Variants in DHRS7 observed in about 807,000 individuals in gnomAD.
DHRS7 encodes the protein dehydrogenase/reductase 7, also known as dehydrogenase/reductase SDR family member 7.
DHRS7 carries 34 observed loss-of-function variants against 38.9 expected under a neutral mutation model. That is an observed-to-expected ratio of 0.87 (90% confidence interval 0.66 to 1.16). The LOEUF is 1.16. Among genes scored for constraint, DHRS7 ranks in the 50% most tolerant of loss-of-function variants. The pLI, the probability that DHRS7 is intolerant of heterozygous loss-of-function variation, is 0.00. For synonymous variants in DHRS7, 158 were observed against 153.1 expected (o/e 1.03, Z -0.24); for missense variants, 421 against 407.0 (o/e 1.03, Z -0.30).
chr14:60,154,040 ATCTTTT>A lies in DHRS7; in HGVS notation c.306_311del (p.Glu102_Lys103del). 1 of 1,613,930 alleles carries A rather than the reference ATCTTTT, an allele frequency of 6.2e-7. No homozygotes were observed. Among genetic ancestry groups the A allele is most frequent in the Non-Finnish European group, 8.5e-7 (1 of 1,179,852 alleles). ...TCAGGTCAAGGGGCAAAACAAGTAT[ATCTTTT>A]TCTTTTAAATTGCCATTCTCTAAAT... On this transcript the variant is annotated inframe_deletion, in exon 3 of 7. Coordinates refer to ENST00000557185, the MANE Select transcript of DHRS7 (RefSeq NM_016029.4).
chr14:60,167,264 A>C (rs1193159712), upstream of DHRS7, among the ~76,000 whole-genome samples: 2 of 152,244 alleles, frequency 1.3e-5, no homozygotes, highest in East Asian at 3.8e-4. Flanking sequence ...GTACCCACAA[A>C]AATTAAAAAT....
upstream of DHRS7, chr14:60,166,242 C>G (rs189636696): frequency 1.8e-4 from 175 of 985,434 alleles, no homozygotes; most frequent in Admixed American, 2.5e-4. Context: ...TTCTTGTTTT[C>G]AAGCATTTGA....
At position 60,148,898 on chromosome 14, in the gene DHRS7, A is replaced by C. The variant is rs435826; in HGVS notation, c.972+455T>G. 0.27 allele frequency: 41,823 copies of C among 156,048 alleles called. 7,608 individuals carry two copies. Among genetic ancestry groups the C allele is most frequent in the African/African-American group, 0.52 (21,312 of 41,270 alleles). 9.7% of individuals were successfully genotyped at this position (156,048 alleles called of 1,614,324 possible). A position where few individuals can be genotyped will look rare whatever the true frequency, so the allele number is the denominator to read the frequency against. ...TCCAAGACTAGTAATAATTTATAGTAAACCAAAATATATGCATGGGGATAA... is the reference window on the plus strand; with the variant it reads ...TCCAAGACTAGTAATAATTTATAGTCAACCAAAATATATGCATGGGGATAA... On this transcript the variant is annotated intron_variant, in intron 6 of 6. Coordinates refer to ENST00000557185, the MANE Select transcript of DHRS7 (RefSeq NM_016029.4). The surrounding 1 kb of genome is among the most constrained non-coding windows in gnomAD (Gnocchi z 4.8).
chr14:60,159,000 C>G (rs1235703050), intron 1 of DHRS7: 1 of 387,918 alleles, frequency 2.6e-6, no homozygotes, highest in Non-Finnish European at 5.0e-6. Context: ...CTGAGGCATC[C>G]TCCCCATCCC....
Position 60,152,981 on chromosome 14 carries a change from T to C in DHRS7, c.591A>G (p.Val197=), listed in dbSNP as rs199760290. 432 of 1,613,950 alleles carry C rather than the reference T, an allele frequency of 2.7e-4. 1 individual carries two copies. The highest frequency in any genetic ancestry group is 3.3e-4 in the Non-Finnish European group (395 of 1,179,986). ...TVNSILGIIS[V]PLSIGYCASK... ...TAGCACAGTATCCAATGGAAAGAGG[T>C]ACAGATATGATACCCAGGATGCTAT... The change falls in exon 4 of 7, where the codon GTA becomes GTG. Residue 197 remains valine (V), a synonymous_variant. Coordinates refer to ENST00000557185, the MANE Select transcript of DHRS7 (RefSeq NM_016029.4).
rs143150224 is a variant in DHRS7, at chr14:60,164,263, G to GCC, written c.133+912_133+913dup. 2.2e-3 allele frequency among the ~76,000 whole-genome samples: 247 copies of GCC among 112,976 alleles called. 2 individuals are homozygous for GCC. The highest frequency in any genetic ancestry group is 6.9e-3 in the African/African-American group (199 of 29,044). The allele number at this position is 112,976 out of a possible 152,430, so 74.1% of individuals were successfully genotyped here. On this transcript the variant is annotated intron_variant, in intron 1 of 6. Transcript: ENST00000557185. ...CCCCCCTCAACGCCCAACCCATAACGCCCCCCCCAAACATAGTCTATCTTT... is the reference window on the plus strand; with the variant it reads ...CCCCCCTCAACGCCCAACCCATAACGCCCCCCCCCCAAACATAGTCTATCTTT...
At position 60,164,269 on chromosome 14, in the gene DHRS7, C is replaced by A. The variant is rs183454344; in HGVS notation, c.133+908G>T. Among the ~76,000 whole-genome samples, 10 of 144,148 alleles carry A rather than the reference C, an allele frequency of 6.9e-5. No homozygotes were observed. The South Asian group carries it at 2.3e-3, about 34-fold the overall frequency. The allele number at this position is 144,148 out of a possible 152,430, so 94.6% of individuals were successfully genotyped here. Reference sequence around the variant, plus strand: ...TCAACGCCCAACCCATAACGCCCCCCCCAAACATAGTCTATCTTTCGAGCT... The same window carrying A: ...TCAACGCCCAACCCATAACGCCCCCACCAAACATAGTCTATCTTTCGAGCT... On this transcript the variant is annotated intron_variant, in intron 1 of 6. Coordinates refer to ENST00000557185, the MANE Select transcript of DHRS7 (RefSeq NM_016029.4).
chr14:60,164,626 TTTAG>T (rs764455789), intron 1 of DHRS7, among the ~76,000 whole-genome samples: 123 of 152,328 alleles, frequency 8.1e-4, no homozygotes, highest in Non-Finnish European at 1.5e-3. Context: ...AACTGCCATT[TTTAG>T]TTCTTTCTAG....
At chr14:60,155,200 G>T (rs1003076378) in intron 2 of DHRS7, among the ~76,000 whole-genome samples, 1 of 152,154 alleles carries the variant, frequency 6.6e-6, no homozygotes, top group Admixed American at 6.5e-5. Context: ...TGTAATCCCA[G>T]CATTTTGGGA....
At chr14:60,163,772 T>G (rs939970751) in intron 1 of DHRS7, among the ~76,000 whole-genome samples, 8 of 152,342 alleles carry the variant, frequency 5.3e-5, no homozygotes, top group Non-Finnish European at 8.8e-5. Context: ...ATATTTTTTG[T>G]AGGATTAAAT....
chr14:60,154,140 C>A, intron 2 of DHRS7, 75 bp from the exon 3 acceptor site: 1 of 1,107,024 alleles, frequency 9.0e-7, no homozygotes, highest in East Asian at 2.5e-5. Context: ...CACTAACACC[C>A]ACCCTGCAAC....
chr14:60,168,987 A>ACTC, upstream of DHRS7: 1 of 379,008 alleles, frequency 2.6e-6, no homozygotes, highest in Admixed American at 4.5e-5. Flanking sequence ...CATACATTGC[A>ACTC]CCGAGGCTGA....
At chr14:60,158,776 C>G (rs1236882536) in intron 1 of DHRS7, among the ~76,000 whole-genome samples, 1 of 152,170 alleles carries the variant, frequency 6.6e-6, no homozygotes, top group Non-Finnish European at 1.5e-5. Flanking sequence ...AGCCCTTGAC[C>G]CATCTCTAAT....
Position 60,149,357 on chromosome 14 carries a change from C to T in DHRS7, c.968G>A (p.Gly323Asp), listed in dbSNP as rs143781219. Residue 323 changes from glycine (G) to aspartate (D), a missense_variant, in exon 6 of 7, where the codon GGT (glycine) becomes GAT (aspartate). By Grantham distance (94) the Gly-to-Asp change is moderately conservative. Coordinates refer to ENST00000557185, the MANE Select transcript of DHRS7 (RefSeq NM_016029.4). ...AAACTTAGAAATTGGTCTTACCACA[C>T]CACTCTTAAAGTTCTCAATCCTTTT... ...GKKRIENFKS[G>D]VDADSSYFKI... The T allele has an allele frequency of 2.6e-4, 415 of 1,614,028 alleles. 1 individual carries two copies. Among genetic ancestry groups the T allele is most frequent in the Middle Eastern group, 1.8e-3 (11 of 6,062 alleles).
rs761735652 is a variant in DHRS7 at position 60,145,046 on chromosome 14, C to T, written c.973-33G>A. On this transcript the variant is annotated intron_variant, in intron 6 of 6. Transcript: ENST00000557185. This position sits in a 1 kb window ranked among gnomAD's most constrained non-coding sequence, Gnocchi z 4.0. ...AGAGGGACAGAAACATGGATCAGTA[C>T]CTACTCCTATTTACTCCAGTTTTTA... 8.9e-6 allele frequency: 13 copies of T among 1,462,656 alleles called. No individual in the cohort carries two copies. The allele number at this position is 1,462,656 out of a possible 1,614,324, so 90.6% of individuals were successfully genotyped here. A position where few individuals can be genotyped will look rare whatever the true frequency, so the allele number is the denominator to read the frequency against.
chr14:60,167,934 T>A (rs1275407567), upstream of DHRS7, among the ~76,000 whole-genome samples: 1 of 152,144 alleles, frequency 6.6e-6, no homozygotes, highest in Non-Finnish European at 1.5e-5. Flanking sequence ...CACAGCACCC[T>A]TACTCAGAAA....
Position 60,165,346 on chromosome 14 carries a change from G to T in DHRS7, c.-37C>A, listed in dbSNP as rs535204771. ...ACGCCCAGCTCGGGGGGAAGAAGAC[G>T]GCCCGCACCAGAGTCGCGTCGCTGC... On this transcript the variant is annotated 5_prime_UTR_variant, in exon 1 of 7. Coordinates refer to ENST00000557185, the MANE Select transcript of DHRS7 (RefSeq NM_016029.4). The surrounding 1 kb of genome is among the most constrained non-coding windows in gnomAD (Gnocchi z 4.6). 1.0e-5 allele frequency: 16 copies of T among 1,550,834 alleles called. No individual in the cohort carries two copies. The East Asian group carries it at 3.8e-4, about 37-fold the overall frequency.
chr14:60,165,721 A>G, upstream of DHRS7: 1 of 966,294 alleles, frequency 1.0e-6, no homozygotes, highest in Non-Finnish European at 1.2e-6. This position sits in a 1 kb window ranked among gnomAD's most constrained non-coding sequence, Gnocchi z 4.6. Context: ...AACGGCCAGG[A>G]GACAGATAGA....
At chr14:60,151,018 T>C (rs1167332843) in intron 4 of DHRS7, among the ~76,000 whole-genome samples, 2 of 152,202 alleles carry the variant, frequency 1.3e-5, no homozygotes, top group Non-Finnish European at 2.9e-5. Context: ...AGGTTTCTAT[T>C]TATTCCCCAA....
Sources: gnomAD v4.1 joint callset for allele counts (sites outside exome capture counted in the v4.1 genomes callset) on GRCh38, gnomAD v4.1.1 for gene constraint, Gnocchi (gnomAD v3.1) non-coding constraint, MANE v1.5 for transcripts, NCBI Gene and HGNC (gene_info 2026-07-23, HGNC 2026-07-21) for gene names.